Variants in XYLT1 observed in about 807,000 individuals in gnomAD.
XYLT1 encodes the protein beta-D-xylosyltransferase 1.
A neutral mutation model predicts 91.3 loss-of-function variants in XYLT1; 36 were observed. The ratio of observed to expected loss-of-function variants is 0.39; its 90% confidence interval spans 0.30 to 0.52. The LOEUF is 0.52. Ranked by LOEUF, XYLT1 falls within the 20% of genes least tolerant of loss-of-function variation. The pLI is 0.68. For synonymous variants in XYLT1, 588 were observed against 532.0 expected (o/e 1.11, Z -1.45); for missense variants, 1,242 against 1,284.5 (o/e 0.97, Z 0.51).
At chr16:17,381,025 T>C (rs34984877) in intron 1 of XYLT1, among the ~76,000 whole-genome samples, 46,022 of 152,148 alleles carry the variant, frequency 0.3, 7,605 homozygotes, top group Non-Finnish European at 0.38. Flanking sequence ...TGAGGGGCTA[T>C]ACTTTGTTGT....
chr16:17,390,803 A>G (rs2035807986), intron 1 of XYLT1, among the ~76,000 whole-genome samples: 1 of 152,168 alleles, frequency 6.6e-6, no homozygotes, highest in African/African-American at 2.4e-5. Context: ...TGGGAGCCTG[A>G]GATTGGTGGA....
chr16:17,412,470 A>G (rs1487040180), intron 1 of XYLT1, among the ~76,000 whole-genome samples: 1 of 150,970 alleles, frequency 6.6e-6, no homozygotes, highest in African/African-American at 2.4e-5. Flanking sequence ...CTGTAGTTAG[A>G]GGCCAAAATA....
At chr16:17,422,400 T>C (rs191039686) in intron 1 of XYLT1, among the ~76,000 whole-genome samples, 28 of 152,312 alleles carry the variant, frequency 1.8e-4, no homozygotes, top group African/African-American at 6.7e-4. Flanking sequence ...GGTTTTACTA[T>C]GTTGCCCAAG....
At chr16:17,116,501 C>T (rs1054467023) in intron 11 of XYLT1, among the ~76,000 whole-genome samples, 9 of 152,196 alleles carry the variant, frequency 5.9e-5, no homozygotes, top group African/African-American at 2.2e-4. Context: ...CAACACATGC[C>T]CATGCTTTAC....
intron 5 of XYLT1, among the ~76,000 whole-genome samples, chr16:17,190,726 G>C (rs2032291629): frequency 6.6e-6 from 1 of 151,934 alleles, no homozygotes; most frequent in Non-Finnish European, 1.5e-5. Context: ...CCAAGTCTTT[G>C]CTCTTGTGAA....
intron 6 of XYLT1, among the ~76,000 whole-genome samples, chr16:17,148,370 G>A (rs2031192383): frequency 1.3e-5 from 2 of 152,126 alleles, no homozygotes; most frequent in Admixed American, 6.5e-5. Flanking sequence ...CAATATACAA[G>A]ATATTTATTT....
intron 1 of XYLT1, among the ~76,000 whole-genome samples, chr16:17,449,994 T>C (rs1394830062): frequency 6.6e-6 from 1 of 152,184 alleles, no homozygotes; most frequent in Non-Finnish European, 1.5e-5. Context: ...AATAACCTGA[T>C]GGAGTTAATG....
intron 2 of XYLT1, among the ~76,000 whole-genome samples, chr16:17,300,083 C>T (rs2034371298): frequency 6.6e-6 from 1 of 152,116 alleles, no homozygotes; most frequent in African/African-American, 2.4e-5. Flanking sequence ...GGGGAGCCCA[C>T]AGCTAAATCA....
chr16:17,182,096 T>A (rs894247290), intron 5 of XYLT1, among the ~76,000 whole-genome samples: 2 of 152,206 alleles, frequency 1.3e-5, no homozygotes, highest in African/African-American at 2.4e-5. Context: ...ATGGGTAGCA[T>A]GGTCATGCCC....
intron 2 of XYLT1, among the ~76,000 whole-genome samples, chr16:17,285,149 C>T (rs2034115951): frequency 6.6e-6 from 1 of 152,182 alleles, no homozygotes; most frequent in Non-Finnish European, 1.5e-5. Context: ...CTGCTCCAGC[C>T]TCTTCTCTCC....
chr16:17,401,700 C>T (rs534067151), intron 1 of XYLT1, among the ~76,000 whole-genome samples: 65 of 150,708 alleles, frequency 4.3e-4, no homozygotes, highest in Non-Finnish European at 7.9e-4. Context: ...GGGTTAGTGG[C>T]TATGGTTATT....
intron 2 of XYLT1, among the ~76,000 whole-genome samples, chr16:17,265,925 A>C (rs1383516399): frequency 6.6e-6 from 1 of 152,144 alleles, no homozygotes; most frequent in Non-Finnish European, 1.5e-5. Flanking sequence ...GCATTAGCTG[A>C]TGTCCAATTT....
intron 2 of XYLT1, among the ~76,000 whole-genome samples, chr16:17,330,189 A>G (rs1190300986): frequency 2.6e-5 from 4 of 151,930 alleles, no homozygotes; most frequent in Non-Finnish European, 5.9e-5. Context: ...GCACTTGCTC[A>G]TTACAAAACT....
At chr16:17,421,914 T>G (rs142575936) in intron 1 of XYLT1, among the ~76,000 whole-genome samples, 1 of 152,170 alleles carries the variant, frequency 6.6e-6, no homozygotes, top group Non-Finnish European at 1.5e-5. Flanking sequence ...CTTGGCTCAC[T>G]GCAGCCTTGA....
intron 1 of XYLT1, among the ~76,000 whole-genome samples, chr16:17,397,687 G>C (rs2035905308): frequency 6.6e-6 from 1 of 152,202 alleles, no homozygotes. Flanking sequence ...GACTTTCCTA[G>C]GGATAGCCAT....
At chr16:17,461,418 T>G (rs369651738) in intron 1 of XYLT1, among the ~76,000 whole-genome samples, 1 of 152,320 alleles carries the variant, frequency 6.6e-6, no homozygotes, top group African/African-American at 2.4e-5. Flanking sequence ...CCTGCTAGAC[T>G]GGTCCTCCTG....
chr16:17,373,708 T>G (rs775838565), intron 1 of XYLT1, among the ~76,000 whole-genome samples: 2 of 152,214 alleles, frequency 1.3e-5, no homozygotes, highest in African/African-American at 4.8e-5. Flanking sequence ...TATTTACAGA[T>G]GAGGGACCTG....
intron 3 of XYLT1, among the ~76,000 whole-genome samples, chr16:17,252,445 A>G (rs1380388317): frequency 6.6e-6 from 1 of 152,080 alleles, no homozygotes; most frequent in Non-Finnish European, 1.5e-5. Context: ...GCTCAAAACA[A>G]ATTTCTCGGA....
intron 2 of XYLT1, among the ~76,000 whole-genome samples, chr16:17,322,334 C>T (rs747398426): frequency 6.6e-6 from 1 of 152,170 alleles, no homozygotes; most frequent in African/African-American, 2.4e-5. Flanking sequence ...TCTGAAGACC[C>T]GACAAGTAGA....
Sources: allele counts gnomAD v4.1 joint callset (sites outside exome capture counted in the v4.1 genomes callset), GRCh38; gene constraint gnomAD v4.1.1; transcripts MANE v1.5; gene names NCBI Gene and HGNC (gene_info 2026-07-23, HGNC 2026-07-21).